MEGF6: variants seen among roughly 807,000 people sequenced by gnomAD.
The protein encoded by MEGF6 is multiple epidermal growth factor-like domains protein 6.
MEGF6 carries 184 observed loss-of-function variants against 207.1 expected under a neutral mutation model. The ratio of observed to expected loss-of-function variants is 0.89; its 90% CI spans 0.79 to 1.00. The LOEUF (loss-of-function observed/expected upper bound fraction) is 1.00. Among genes scored for constraint, MEGF6 ranks in the 50% least tolerant of loss-of-function variants. MEGF6 has a pLI of 0.00. For synonymous variants in MEGF6, 1,038 were observed against 910.0 expected (o/e 1.14, Z -2.53); for missense variants, 2,282 against 2,202.9 (o/e 1.04, Z -0.72).
chr1:3,596,058 G>A (rs77701767), intron 2 of MEGF6, among the ~76,000 whole-genome samples: 6,718 of 152,200 alleles, frequency 0.044, 466 homozygotes, highest in African/African-American at 0.14. Flanking sequence ...GGGAGACAGA[G>A]GAGACCTGGA....
chr1:3,509,975 A>G lies in MEGF6; in HGVS notation c.1252T>C (p.Ser418Pro), dbSNP rs765435022. The change falls in exon 11 of 37, where the codon TCC becomes CCC. Residue 418 changes from serine to proline, a missense_variant. Coordinates refer to ENST00000356575, the MANE Select transcript of MEGF6 (RefSeq NM_001409.4). The part of the protein sequence containing the change: ...CGCEDVDECA[S>P]SRGGCEHHCT... The stretch of plus-strand genomic sequence containing the variant: ...TGGTGCTCGCAGCCGCCACGGCTGG[A>G]GGCGCACTCATCCACATCTGCGGGC... 2 of 1,585,586 alleles carry G rather than the reference A, an allele frequency of 1.3e-6. No homozygotes were observed. The highest frequency in any genetic ancestry group is 1.7e-6 in the Non-Finnish European group (2 of 1,172,048).
rs1215536105 is a variant in MEGF6, at chr1:3,496,824, G to A, written c.3614-41C>T. On this transcript the variant is annotated intron_variant, in intron 28 of 36. Transcript: ENST00000356575. ...CTAGCTGCAGGGGCTGGGGCTGGAGGCTTCCCCAGTGCCCCTGAACACAGC... is the reference window on the plus strand; with the variant it reads ...CTAGCTGCAGGGGCTGGGGCTGGAGACTTCCCCAGTGCCCCTGAACACAGC... The A allele has an allele frequency of 2.6e-6, 4 of 1,542,432 alleles. No individual in the cohort carries two copies. The African/African-American group carries it at 4.1e-5, about 16-fold the overall frequency.
intron 21 of MEGF6, among the ~76,000 whole-genome samples, 168 bp downstream of exon 21, chr1:3,500,465 G>C (rs374788559): frequency 1.3e-5 from 2 of 152,280 alleles, no homozygotes; most frequent in Admixed American, 6.5e-5. Flanking sequence ...GTGCGTGCCT[G>C]CACGTTTTGG....
intron 4 of MEGF6, among the ~76,000 whole-genome samples, chr1:3,534,120 C>T (rs989885815): frequency 3.9e-5 from 6 of 152,238 alleles, no homozygotes; most frequent in South Asian, 2.1e-4. Context: ...TACGGCCAGC[C>T]GGAGCCCACA....
In MEGF6 at chr1:3,496,704, C is replaced by G. The variant is rs766407528; in HGVS notation, c.3693G>C (p.Thr1231=). 1.3e-6 allele frequency: 2 copies of G among 1,560,566 alleles called. No individual in the cohort carries two copies. The highest frequency in any genetic ancestry group is 8.7e-7 in the Non-Finnish European group (1 of 1,153,058). ...CLNGGSCDAA[T]GACRCPTGFL... ...ACCCAGTGGGGCAGCGGCAGGCCCCCGTGGCCGCATCACAGGAGCCCCCGT... is the reference window on the plus strand; with the variant it reads ...ACCCAGTGGGGCAGCGGCAGGCCCCGGTGGCCGCATCACAGGAGCCCCCGT... Residue 1231 remains threonine, a synonymous_variant, in exon 29 of 37, where the codon ACG becomes ACC. Coordinates refer to ENST00000356575, the MANE Select transcript of MEGF6 (RefSeq NM_001409.4).
intron 5 of MEGF6, among the ~76,000 whole-genome samples, chr1:3,519,522 C>T (rs1282965872): frequency 6.6e-6 from 1 of 152,270 alleles, no homozygotes; most frequent in African/African-American, 2.4e-5. Context: ...CTGGGGGAGG[C>T]CCCGACCCAG....
At chr1:3,591,731 G>A (rs1358061359) in intron 3 of MEGF6, among the ~76,000 whole-genome samples, 3 of 147,102 alleles carry the variant, frequency 2.0e-5, no homozygotes, top group Admixed American at 6.7e-5. Context: ...CAAGGGACCC[G>A]ATGGGGGCGC....
intron 4 of MEGF6, among the ~76,000 whole-genome samples, chr1:3,524,843 A>G (rs919847258): frequency 2.0e-5 from 3 of 152,174 alleles, no homozygotes; most frequent in African/African-American, 7.2e-5. Flanking sequence ...CCTAAATCCA[A>G]TGCGCCTATC....
At chr1:3,558,087 G>A (rs192543955) in intron 4 of MEGF6, among the ~76,000 whole-genome samples, 1 of 152,178 alleles carries the variant, frequency 6.6e-6, no homozygotes, top group Non-Finnish European at 1.5e-5. Flanking sequence ...GATGTGCTAA[G>A]TTCAGAGTCT....
intron 3 of MEGF6, among the ~76,000 whole-genome samples, chr1:3,583,466 G>C (rs370070583): frequency 2.8e-4 from 6 of 21,454 alleles, no homozygotes; most frequent in Non-Finnish European, 5.0e-4. Context: ...ACCAGACAAC[G>C]CGCAGCCACC....
chr1:3,496,746 C>T lies in MEGF6; in HGVS notation c.3651G>A (p.Gln1217=), dbSNP rs1383095215. 5.1e-6 allele frequency: 8 copies of T among 1,560,098 alleles called. No homozygotes were observed. The highest frequency in any genetic ancestry group is 3.8e-5 in the Admixed American group (2 of 52,324). Reference sequence around the variant, plus strand: ...AGCCCCCGTTGAGACACCCACACAGCTGTTCACAGCCTGGCCCATACCGCC... The same window carrying T: ...AGCCCCCGTTGAGACACCCACACAGTTGTTCACAGCCTGGCCCATACCGCC... ...PPGRYGPGCE[Q]LCGCLNGGSC... The change falls in exon 29 of 37, where the codon CAG becomes CAA. Residue 1217 remains glutamine (Q), a synonymous_variant. Coordinates refer to ENST00000356575, the MANE Select transcript of MEGF6 (RefSeq NM_001409.4).
intron 1 of MEGF6, among the ~76,000 whole-genome samples, chr1:3,606,890 C>G (rs1301940188): frequency 6.6e-6 from 1 of 152,132 alleles, no homozygotes; most frequent in African/African-American, 2.4e-5. Flanking sequence ...TGAAGGGACT[C>G]TGTCACCATC....
Position 3,519,551 on chromosome 1 carries a change from C to T in MEGF6, c.605-4024G>A, listed in dbSNP as rs868622173. On this transcript the variant is annotated intron_variant, in intron 5 of 36. Coordinates refer to ENST00000356575, the MANE Select transcript of MEGF6 (RefSeq NM_001409.4). Reference sequence around the variant, plus strand: ...GACCCAGGGCTGCGTGAGCATCACACGGGTTCAGCTTCTCCAGAGCGTTTA... The same window carrying T: ...GACCCAGGGCTGCGTGAGCATCACATGGGTTCAGCTTCTCCAGAGCGTTTA... 1.1e-4 allele frequency among the ~76,000 whole-genome samples: 16 copies of T among 152,366 alleles called. No homozygotes were observed. The Middle Eastern group carries it at 0.01, about 97-fold the overall frequency.
At chr1:3,587,218 G>A (rs1318354831) in intron 3 of MEGF6, among the ~76,000 whole-genome samples, 9 of 152,196 alleles carry the variant, frequency 5.9e-5, no homozygotes, top group Non-Finnish European at 8.8e-5. Context: ...AGGCCTCACC[G>A]AGGACTCCGC....
intron 1 of MEGF6, among the ~76,000 whole-genome samples, chr1:3,608,349 G>A (rs189380865): frequency 1.4e-3 from 220 of 152,244 alleles, no homozygotes; most frequent in Middle Eastern, 3.4e-3. Context: ...CACGTGCTGT[G>A]AAACTCATGG....
At chr1:3,578,318 G>A (rs1049305045) in intron 4 of MEGF6, among the ~76,000 whole-genome samples, 1 of 152,332 alleles carries the variant, frequency 6.6e-6, no homozygotes, top group East Asian at 1.9e-4. Context: ...CAAATGAGAC[G>A]GAAAGGCCCT....
intron 1 of MEGF6, among the ~76,000 whole-genome samples, chr1:3,605,725 G>A (rs1644240598): frequency 6.6e-6 from 1 of 152,040 alleles, no homozygotes; most frequent in Non-Finnish European, 1.5e-5. Flanking sequence ...CACACTCACA[G>A]ATACACACAC....
chr1:3,592,222 C>T (rs982381348), intron 3 of MEGF6, among the ~76,000 whole-genome samples: 5 of 152,200 alleles, frequency 3.3e-5, no homozygotes, highest in Admixed American at 3.3e-4. Flanking sequence ...CAGCCCACTG[C>T]CCTGAGAGGG....
At chr1:3,530,948 C>A in intron 4 of MEGF6, 1 of 1,238,490 alleles carries the variant, frequency 8.1e-7, no homozygotes, top group Non-Finnish European at 1.0e-6. Flanking sequence ...GCCTGCCGGG[C>A]ACTGCCCCGC....
Sources: gnomAD v4.1 joint callset for allele counts (sites outside exome capture counted in the v4.1 genomes callset) on GRCh38, gnomAD v4.1.1 for gene constraint, MANE v1.5 for transcripts, NCBI Gene and HGNC (gene_info 2026-07-23, HGNC 2026-07-21) for gene names.